Variants in STON2 observed in about 807,000 individuals in gnomAD.
STON2 encodes stonin-2.
In STON2, 29 loss-of-function variants were observed where a neutral mutation model predicts 65.7. The observed-to-expected ratio is 0.44, with a 90% confidence interval of 0.33 to 0.60. The LOEUF (loss-of-function observed/expected upper bound fraction) is 0.60, where lower values mean the gene tolerates loss of function less well. STON2 is among the 20% of genes least tolerant of loss of function. The probability of loss-of-function intolerance (pLI) is 0.03; values close to 1 mark genes in which losing one functional copy is unlikely to be tolerated. For missense variants in STON2, 1,054 were observed against 1,118.1 expected (o/e 0.94, Z 0.82); for synonymous variants, 404 against 414.2 (o/e 0.98, Z 0.30).
chr14:81,338,852 T>C (rs1897477529), intron 4 of STON2, among the ~76,000 whole-genome samples: 1 of 152,210 alleles, frequency 6.6e-6, no homozygotes, highest in Non-Finnish European at 1.5e-5. Flanking sequence ...CTTTGGTCTT[T>C]TCGATCCTCA....
chr14:81,319,118 A>G (rs1896732623), intron 5 of STON2, among the ~76,000 whole-genome samples: 1 of 152,156 alleles, frequency 6.6e-6, no homozygotes, highest in Non-Finnish European at 1.5e-5. Context: ...AAATCAACCA[A>G]TTGCCCCCCT....
intron 5 of STON2, among the ~76,000 whole-genome samples, chr14:81,289,413 G>A (rs1000929889): frequency 6.6e-6 from 1 of 152,154 alleles, no homozygotes; most frequent in African/African-American, 2.4e-5. Context: ...TGGGGGACTG[G>A]TCAGTGGTGG....
In STON2 at chr14:81,413,312, G is replaced by C. The variant is rs1901261849; in HGVS notation, c.-199+13790C>G. On this transcript the variant is annotated intron_variant, in intron 2 of 8. Coordinates refer to the STON2 transcript ENST00000553821. ...TGCAGCCTAAATTCCAAATACCAGAGACTGAAATTTTCAGCCTTGCTAAGG... is the reference window on the plus strand; with the variant it reads ...TGCAGCCTAAATTCCAAATACCAGACACTGAAATTTTCAGCCTTGCTAAGG... 7.9e-6 allele frequency: 10 copies of C among 1,268,348 alleles called. 1 individual carries two copies. Among genetic ancestry groups the C allele is most frequent in the Non-Finnish European group, 1.0e-5 (10 of 955,804 alleles). 78.6% of individuals were successfully genotyped at this position (1,268,348 alleles called of 1,614,324 possible). A position where few individuals can be genotyped will look rare whatever the true frequency, so the allele number is the denominator to read the frequency against.
intron 2 of STON2, among the ~76,000 whole-genome samples, chr14:81,396,669 A>C (rs1900339411): frequency 1.3e-5 from 2 of 152,214 alleles, no homozygotes; most frequent in Admixed American, 1.3e-4. Flanking sequence ...TGCACTAATG[A>C]CCAGCTGAAT....
At chr14:81,300,919 A>G (rs1337922365) in intron 5 of STON2, among the ~76,000 whole-genome samples, 2 of 152,216 alleles carry the variant, frequency 1.3e-5, no homozygotes, top group Non-Finnish European at 2.9e-5. Flanking sequence ...AAAACCTGGA[A>G]ACACCCCAAA....
intron 2 of STON2, among the ~76,000 whole-genome samples, chr14:81,425,525 T>C (rs923730899): frequency 1.3e-5 from 2 of 151,414 alleles, no homozygotes; most frequent in African/African-American, 2.4e-5. Context: ...TGAGCCAAGA[T>C]CATGCCACTG....
chr14:81,406,938 A>C (rs1900895908), intron 2 of STON2, among the ~76,000 whole-genome samples: 1 of 152,092 alleles, frequency 6.6e-6, no homozygotes, highest in Non-Finnish European at 1.5e-5. Context: ...TGCAGATTCC[A>C]GCTGCTTCAA....
At chr14:81,284,610 AGC>A (rs1895261404) in intron 5 of STON2, among the ~76,000 whole-genome samples, 1 of 152,264 alleles carries the variant, frequency 6.6e-6, no homozygotes, top group African/African-American at 2.4e-5. Flanking sequence ...CTAATGTAGA[AGC>A]TGCAACAAGT....
intron 3 of STON2, among the ~76,000 whole-genome samples, chr14:81,373,223 T>C (rs1166753173): frequency 6.6e-6 from 1 of 152,156 alleles, no homozygotes; most frequent in Non-Finnish European, 1.5e-5. Flanking sequence ...AAATATTTGT[T>C]GGTTATATCA....
In STON2 at chr14:81,400,275, T is replaced by C. The variant is rs1426537260; in HGVS notation, c.-199+4A>G. On this transcript the variant is annotated splice_donor_region_variant and intron_variant, in intron 1 of 7. Coordinates refer to ENST00000614646, the MANE Select transcript of STON2 (RefSeq NM_001394390.1). ...GAGAGCAGGTCTCCCAAACCAGATC[T>C]TACCAGAGAGCAGTGCAGGGTCCAC... is the stretch of plus-strand genomic sequence containing the variant. Among the ~76,000 whole-genome samples, 9 of 152,010 alleles carry C rather than the reference T, an allele frequency of 5.9e-5. No individual in the cohort carries two copies. In the East Asian group the frequency reaches 1.5e-3, roughly 26 times the overall value.
intron 5 of STON2, among the ~76,000 whole-genome samples, chr14:81,315,522 T>TTTCCA (rs1896586828): frequency 7.4e-6 from 1 of 134,564 alleles, no homozygotes; most frequent in Admixed American, 7.4e-5. Flanking sequence ...CAGGTGACGA[T>TTTCCA]ACTGGCAGAA....
At chr14:81,362,385 GA>G (rs1898533372) in intron 4 of STON2, among the ~76,000 whole-genome samples, 1 of 152,144 alleles carries the variant, frequency 6.6e-6, no homozygotes, top group Non-Finnish European at 1.5e-5. Flanking sequence ...GCCAGGCACA[GA>G]AAAACAAGTA....
At chr14:81,429,142 T>A (rs563505358) in intron 1 of STON2, among the ~76,000 whole-genome samples, 2 of 152,358 alleles carry the variant, frequency 1.3e-5, no homozygotes, top group African/African-American at 2.4e-5. Flanking sequence ...AGAGCCCCCA[T>A]GGGGCATAAT....
At chr14:81,401,269 C>G (rs2140452649), upstream of STON2, among the ~76,000 whole-genome samples, 1 of 152,250 alleles carries the variant, frequency 6.6e-6, no homozygotes, top group Middle Eastern at 3.4e-3. Flanking sequence ...GCCAAAGTAC[C>G]AAGACCATTC....
At chr14:81,337,555 G>A (rs1313452408) in intron 4 of STON2, among the ~76,000 whole-genome samples, 1 of 152,154 alleles carries the variant, frequency 6.6e-6, no homozygotes, top group Non-Finnish European at 1.5e-5. Context: ...AGGTGGTTGG[G>A]GAAGGCCTGT....
chr14:81,352,150 A>G (rs1202246318), intron 4 of STON2, among the ~76,000 whole-genome samples: 1 of 152,168 alleles, frequency 6.6e-6, no homozygotes, highest in Non-Finnish European at 1.5e-5. Context: ...GTATTACCAT[A>G]ATAACTATAA....
chr14:81,432,438 T>G (rs527490603), intron 1 of STON2, among the ~76,000 whole-genome samples: 1 of 152,288 alleles, frequency 6.6e-6, no homozygotes, highest in African/African-American at 2.4e-5. Context: ...GGCACAGATG[T>G]TTAATTATGA....
chr14:81,291,656 G>T (rs991624615), intron 5 of STON2, among the ~76,000 whole-genome samples: 4 of 151,536 alleles, frequency 2.6e-5, no homozygotes, highest in Admixed American at 2.6e-4. Flanking sequence ...ATGTTTGTAT[G>T]TTTATTAGTT....
intron 4 of STON2, among the ~76,000 whole-genome samples, chr14:81,342,528 C>T (rs11847949): frequency 0.023 from 3,431 of 152,264 alleles, 150 homozygotes; most frequent in African/African-American, 0.08. Context: ...GGCCTGCTCC[C>T]TTCCCTTTCC....
Sources: gnomAD v4.1 joint callset for allele counts (sites outside exome capture counted in the v4.1 genomes callset) on GRCh38, gnomAD v4.1.1 for gene constraint, MANE v1.5 for transcripts, NCBI Gene and HGNC (gene_info 2026-07-23, HGNC 2026-07-21) for gene names.